IL15RA: variants seen among roughly 807,000 people sequenced by gnomAD.
The protein encoded by IL15RA is interleukin-15 receptor subunit alpha.
A neutral mutation model predicts 24.2 loss-of-function variants in IL15RA; 26 were observed. That is an observed-to-expected ratio of 1.07 (90% CI 0.79 to 1.49). IL15RA has a LOEUF of 1.49. Among genes scored for constraint, IL15RA ranks in the 40% most tolerant of loss-of-function variants. IL15RA has a pLI of 0.00. For synonymous variants in IL15RA, 166 were observed against 157.6 expected, an observed-to-expected ratio of 1.05 and a Z score of -0.40; for missense variants, 354 against 356.4, an observed-to-expected ratio of 0.99 and a Z score of 0.05.
At position 5,952,811 on chromosome 10, in the gene IL15RA, A is replaced by C; in HGVS notation, c.*284T>G. ...TGTATTCCAGGCAGCTCACACTGTA[A>C]TGAAATAAAAATCCTGCTCAGAAGC... On this transcript the variant is annotated 3_prime_UTR_variant, in exon 7 of 7. Coordinates refer to ENST00000379977, the MANE Select transcript of IL15RA (RefSeq NM_002189.4). The C allele has an allele frequency of 3.9e-6, 2 of 512,192 alleles. No homozygotes were observed. Among genetic ancestry groups the C allele is most frequent in the East Asian group, 3.3e-5 (1 of 30,520 alleles). 31.7% of individuals were successfully genotyped at this position (512,192 alleles called of 1,614,324 possible). A position where few individuals can be genotyped will look rare whatever the true frequency, so the allele number is the denominator to read the frequency against.
rs1837536745 is a variant in IL15RA, at chr10:5,971,098, A to G, written c.89-4759T>C. 6.6e-6 allele frequency among the ~76,000 whole-genome samples: 1 copy of G among 152,208 alleles called. No homozygotes were observed. The highest frequency in any genetic ancestry group is 2.4e-5 in the African/African-American group (1 of 41,450). On this transcript the variant is annotated intron_variant, in intron 1 of 6. Coordinates refer to ENST00000379977, the MANE Select transcript of IL15RA (RefSeq NM_002189.4). This position sits in a 1 kb window ranked among gnomAD's most constrained non-coding sequence, Gnocchi z 5.5. ...AATTATACTTTCTATATATTCTCTC[A>G]TAACATTGTTCCCTAGTTATTCAAT...
At chr10:5,949,849 C>T (rs1276082777), downstream of IL15RA, among the ~76,000 whole-genome samples, 1 of 152,150 alleles carries the variant, frequency 6.6e-6, no homozygotes, top group Non-Finnish European at 1.5e-5. The surrounding 1 kb of genome is among the most constrained non-coding windows in gnomAD (Gnocchi z 4.4). Context: ...GTAATCCCAG[C>T]ACTTTGGAGG....
Position 5,959,336 on chromosome 10 carries a change from A to C in IL15RA, c.616+418T>G, listed in dbSNP as rs1835104100. 1.3e-5 allele frequency among the ~76,000 whole-genome samples: 2 copies of C among 152,030 alleles called. No homozygotes were observed. The highest frequency in any genetic ancestry group is 4.1e-4 in the South Asian group (2 of 4,822). ...AGCATTTTATACCGAAAATGTGGAC[A>C]GCTTCTCTGTTAAGTGCACGGTGCC... On this transcript the variant is annotated intron_variant, in intron 5 of 6. Coordinates refer to ENST00000379977, the MANE Select transcript of IL15RA (RefSeq NM_002189.4). The surrounding 1 kb of genome is among the most constrained non-coding windows in gnomAD (Gnocchi z 4.1).
At chr10:5,978,358 C>T (rs990953067), upstream of IL15RA, among the ~76,000 whole-genome samples, 2 of 152,090 alleles carry the variant, frequency 1.3e-5, no homozygotes, top group African/African-American at 4.8e-5. The surrounding 1 kb of genome is among the most constrained non-coding windows in gnomAD (Gnocchi z 5.2). Flanking sequence ...TCAAGTGAAG[C>T]CTGAGAACCG....
At position 5,961,922 on chromosome 10, in the gene IL15RA, C is replaced by T. The variant is rs1420609471; in HGVS notation, c.383-1355G>A. ...ACCACCTTTCATATAACTTGCCCTACGCTCACTGCCAATGCTCCAGGGCTC... is the reference window on the plus strand; with the variant it reads ...ACCACCTTTCATATAACTTGCCCTATGCTCACTGCCAATGCTCCAGGGCTC... On this transcript the variant is annotated intron_variant, in intron 3 of 6. Transcript: ENST00000379977. This position sits in a 1 kb window ranked among gnomAD's most constrained non-coding sequence, Gnocchi z 5.2. Among the ~76,000 whole-genome samples the T allele has an allele frequency of 3.3e-5, 5 of 152,228 alleles. No homozygotes were observed. The South Asian group carries it at 8.3e-4, about 25-fold the overall frequency.
rs760669757 is a variant in IL15RA at position 5,962,452 on chromosome 10, CGTG to C, written c.382+1288_382+1290del. ...ACTAAAAATACAGAAATTAGCCAGG[CGTG>C]GTGGTGCACGCCTGTGATCCCAGCT... On this transcript the variant is annotated intron_variant, in intron 3 of 6. Transcript: ENST00000379977. The surrounding 1 kb of genome is among the most constrained non-coding windows in gnomAD (Gnocchi z 5.2). Among the ~76,000 whole-genome samples the C allele has an allele frequency of 3.3e-5, 5 of 151,998 alleles. No individual in the cohort carries two copies. Among genetic ancestry groups the C allele is most frequent in the Admixed American group, 6.6e-5 (1 of 15,254 alleles).
upstream of IL15RA, chr10:5,977,801 G>T: frequency 2.2e-6 from 1 of 452,980 alleles, no homozygotes; most frequent in Non-Finnish European, 3.6e-6. Flanking sequence ...GAGCCTCCCG[G>T]TCCTCCGCGC....
In IL15RA at chr10:5,974,892, AAAAT is replaced by A. The variant is rs1010685540; in HGVS notation, c.88+2509_88+2512del. On this transcript the variant is annotated intron_variant, in intron 1 of 6. Transcript: ENST00000379977. ...ATTCTGTCTCAAAATAAGTAAATTA[AAAAT>A]AAATAAAAATTAAAAATAAATAAAT... 7.9e-5 allele frequency among the ~76,000 whole-genome samples: 12 copies of A among 151,954 alleles called. No individual in the cohort carries two copies. In the East Asian group the frequency reaches 1.5e-3, roughly 20 times the overall value.
At position 5,953,414 on chromosome 10, in the gene IL15RA, A is replaced by G. The variant is rs1314424091; in HGVS notation, c.693-208T>C. 1.4e-6 allele frequency: 1 copy of G among 702,340 alleles called. No homozygotes were observed. Among genetic ancestry groups the G allele is most frequent in the Non-Finnish European group, 2.6e-6 (1 of 381,782 alleles). 43.5% of individuals were successfully genotyped at this position (702,340 alleles called of 1,614,324 possible). A position where few individuals can be genotyped will look rare whatever the true frequency, so the allele number is the denominator to read the frequency against. ...ACCTCTACCGAGTGTATTAAATCCTATCTAGGGGCCAGGTGTGGTGGCGCA... is the reference window on the plus strand; with the variant it reads ...ACCTCTACCGAGTGTATTAAATCCTGTCTAGGGGCCAGGTGTGGTGGCGCA... On this transcript the variant is annotated intron_variant, in intron 6 of 6. Transcript: ENST00000379977. The surrounding 1 kb of genome is among the most constrained non-coding windows in gnomAD (Gnocchi z 5.3).
In IL15RA at chr10:5,970,787, G is replaced by A. The variant is rs562663862; in HGVS notation, c.89-4448C>T. ...TTATTTTATTTTATTTTGAGACAGGGTCTAGCTCTGTCACCCAGGCTAGAG... is the reference window on the plus strand; with the variant it reads ...TTATTTTATTTTATTTTGAGACAGGATCTAGCTCTGTCACCCAGGCTAGAG... On this transcript the variant is annotated intron_variant, in intron 1 of 6. Coordinates refer to ENST00000379977, the MANE Select transcript of IL15RA (RefSeq NM_002189.4). The surrounding 1 kb of genome is among the most constrained non-coding windows in gnomAD (Gnocchi z 4.1). Among the ~76,000 whole-genome samples the A allele has an allele frequency of 4.2e-5, 6 of 144,200 alleles. No individual in the cohort carries two copies. The South Asian group carries it at 8.5e-4, about 20-fold the overall frequency. 94.6% of individuals were successfully genotyped at this position (144,200 alleles called of 152,430 possible).
intron 6 of IL15RA, among the ~76,000 whole-genome samples, chr10:5,956,096 C>G (rs1834479872): frequency 6.6e-6 from 1 of 152,038 alleles, no homozygotes; most frequent in African/African-American, 2.4e-5. Context: ...CTCACTGCAA[C>G]CTCCGCCTCC....
rs1835396923 is a variant in IL15RA at position 5,960,893 on chromosome 10, G to A, written c.383-326C>T. Among the ~76,000 whole-genome samples the A allele has an allele frequency of 6.6e-6, 1 of 152,190 alleles. No homozygotes were observed. On this transcript the variant is annotated intron_variant, in intron 3 of 6. Transcript: ENST00000379977. This position sits in a 1 kb window ranked among gnomAD's most constrained non-coding sequence, Gnocchi z 5.1. ...GCCCAGGAGTTTAAGACCAGCCTGG[G>A]CAACACAGCAAGACCCTGTTTCTTT...
chr10:5,977,359 C>A (rs914310452), intron 1 of IL15RA, 46 bp downstream of exon 1: 13 of 959,168 alleles, frequency 1.4e-5, no homozygotes, highest in Non-Finnish European at 1.7e-5. Context: ...CACGTCCCGG[C>A]CCCCTTCCAA....
intron 1 of IL15RA, among the ~76,000 whole-genome samples, chr10:5,974,153 C>T (rs999437886): frequency 6.6e-6 from 1 of 152,166 alleles, no homozygotes; most frequent in African/African-American, 2.4e-5. Flanking sequence ...GCATGGGCTA[C>T]CACAGCTGGC....
intron 1 of IL15RA, among the ~76,000 whole-genome samples, chr10:5,974,300 G>T (rs927694008): frequency 6.6e-6 from 1 of 151,982 alleles, no homozygotes; most frequent in African/African-American, 2.4e-5. Flanking sequence ...ACACCCAGCT[G>T]ATACAATTCA....
In IL15RA at chr10:5,960,531, G is replaced by T. The variant is rs3136616; in HGVS notation, c.419C>A (p.Ala140Glu). ...AASSPSSNNTAATTAAIVPGS... is the reference protein window; with the variant it reads ...AASSPSSNNTEATTAAIVPGS... ...CGGGACAATAGCTGCTGTTGTGGCC[G>T]CTGTGTTGTTTGAGCTGGGAGATGA... Residue 140 changes from alanine (A) to glutamate (E), a missense_variant, in exon 4 of 7, where the codon GCG becomes GAG. By Grantham distance (107) the Ala-to-Glu change is moderately radical (BLOSUM62 -1). Transcript: ENST00000379977. The surrounding 1 kb of genome is among the most constrained non-coding windows in gnomAD (Gnocchi z 5.1). 28 of 1,614,152 alleles carry T rather than the reference G, an allele frequency of 1.7e-5. No homozygotes were observed. Among genetic ancestry groups the T allele is most frequent in the Non-Finnish European group, 2.2e-5 (26 of 1,180,018 alleles).
At position 5,967,801 on chromosome 10, in the gene IL15RA, G is replaced by A. The variant is rs956778163; in HGVS notation, c.89-1462C>T. Among the ~76,000 whole-genome samples the A allele has an allele frequency of 7.2e-5, 11 of 152,228 alleles. No individual in the cohort carries two copies. The highest frequency in any genetic ancestry group is 6.5e-4 in the Admixed American group (10 of 15,282). On this transcript the variant is annotated intron_variant, in intron 1 of 6. Coordinates refer to ENST00000379977, the MANE Select transcript of IL15RA (RefSeq NM_002189.4). The surrounding 1 kb of genome is among the most constrained non-coding windows in gnomAD (Gnocchi z 4.4). ...AGGCTGGGTGCGGTAGCTCACGCCT[G>A]TAATCCGAGGACTTTGGGAGGCTGA...
At position 5,968,268 on chromosome 10, in the gene IL15RA, C is replaced by T. The variant is rs766428856; in HGVS notation, c.89-1929G>A. 1.4e-4 allele frequency among the ~76,000 whole-genome samples: 21 copies of T among 152,056 alleles called. No individual in the cohort carries two copies. The highest frequency in any genetic ancestry group is 3.2e-3 in the Middle Eastern group (1 of 316). ...AAGTCCACACAAAAACATCCCAAAC[C>T]TCACTAACACATCCCTGTTAGAATT... is the stretch of plus-strand genomic sequence containing the variant. On this transcript the variant is annotated intron_variant, in intron 1 of 6. Coordinates refer to ENST00000379977, the MANE Select transcript of IL15RA (RefSeq NM_002189.4). This position sits in a 1 kb window ranked among gnomAD's most constrained non-coding sequence, Gnocchi z 5.4.
Position 5,958,156 on chromosome 10 carries a change from G to C in IL15RA, c.616+1598C>G. On this transcript the variant is annotated intron_variant, in intron 5 of 6. Transcript: ENST00000379977. The surrounding 1 kb of genome is among the most constrained non-coding windows in gnomAD (Gnocchi z 4.3). Reference sequence around the variant, plus strand: ...ATTCCATACAGTGGAATATTCTGTAGCTGTTAAAAACGATGAGATGGTTTT... The same window carrying C: ...ATTCCATACAGTGGAATATTCTGTACCTGTTAAAAACGATGAGATGGTTTT... The C allele has an allele frequency of 3.1e-6, 1 of 318,994 alleles. No homozygotes were observed. The highest frequency in any genetic ancestry group is 6.4e-6 in the Non-Finnish European group (1 of 156,430). The allele number at this position is 318,994 out of a possible 1,614,324, so 19.8% of individuals were successfully genotyped here. A position where few individuals can be genotyped will look rare whatever the true frequency, so the allele number is the denominator to read the frequency against.
Sources: allele counts gnomAD v4.1 joint callset (sites outside exome capture counted in the v4.1 genomes callset), GRCh38; gene constraint gnomAD v4.1.1; non-coding constraint Gnocchi (gnomAD v3.1); transcripts MANE v1.5; gene names NCBI Gene and HGNC (gene_info 2026-07-23, HGNC 2026-07-21).